Variants in TBC1D22A observed in about 807,000 individuals in gnomAD.
TBC1D22A encodes the protein putative GTPase activator.
In TBC1D22A, 38 loss-of-function variants were observed where a neutral mutation model predicts 60.2. The observed-to-expected ratio is 0.63, with a 90% confidence interval of 0.49 to 0.83. The LOEUF (loss-of-function observed/expected upper bound fraction) is 0.83. TBC1D22A is among the 40% of genes least tolerant of loss of function. The pLI is 0.00. For synonymous variants in TBC1D22A, 302 were observed against 281.7 expected, an observed-to-expected ratio of 1.07 and a Z score of -0.72; for missense variants, 628 against 701.0, an observed-to-expected ratio of 0.90 and a Z score of 1.18.
chr22:47,005,579 G>T (rs114589652), intron 10 of TBC1D22A, among the ~76,000 whole-genome samples: 1,516 of 147,666 alleles, frequency 0.01, 34 homozygotes, highest in African/African-American at 0.036. Context: ...AAACATACAC[G>T]CAAACCTATA....
At position 47,095,054 on chromosome 22, in the gene TBC1D22A, A is replaced by T. The variant is rs114192680; in HGVS notation, c.1330-16454A>T. 6.1e-3 allele frequency among the ~76,000 whole-genome samples: 932 copies of T among 152,338 alleles called. 10 individuals are homozygous for T. The highest frequency in any genetic ancestry group is 0.021 in the African/African-American group (859 of 41,570). ...GGATTTGGCTGTGCCATGAAATGTG[A>T]TGTACAGCTCTTACTACAGCCCATG... On this transcript the variant is annotated intron_variant, in intron 11 of 12. Transcript: ENST00000337137.
In TBC1D22A at chr22:46,818,432, A is replaced by G. The variant is rs552418102; in HGVS notation, c.637+20812A>G. Reference sequence around the variant, plus strand: ...TCTTGAGTTAATTTTTGTTTAAGGTATAAGGAAGGGGTCCAGTTGTAGTTT... The same window carrying G: ...TCTTGAGTTAATTTTTGTTTAAGGTGTAAGGAAGGGGTCCAGTTGTAGTTT... On this transcript the variant is annotated intron_variant, in intron 4 of 12. Transcript: ENST00000337137. Among the ~76,000 whole-genome samples, 3 of 152,298 alleles carry G rather than the reference A, an allele frequency of 2.0e-5. No homozygotes were observed. The South Asian group carries it at 6.2e-4, about 32-fold the overall frequency.
intron 12 of TBC1D22A, among the ~76,000 whole-genome samples, chr22:47,137,290 A>G (rs1474119165): frequency 6.6e-6 from 1 of 152,202 alleles, no homozygotes; most frequent in African/African-American, 2.4e-5. Flanking sequence ...CAAAGAAAAA[A>G]TATTTGCTCT....
At chr22:46,825,093 C>T (rs1335509712) in intron 4 of TBC1D22A, among the ~76,000 whole-genome samples, 1 of 152,060 alleles carries the variant, frequency 6.6e-6, no homozygotes, top group East Asian at 1.9e-4. Context: ...AAGGGTGGTG[C>T]CTGTGTTTTC....
At chr22:46,951,057 C>T (rs1234342036) in intron 8 of TBC1D22A, among the ~76,000 whole-genome samples, 4 of 152,186 alleles carry the variant, frequency 2.6e-5, no homozygotes, top group African/African-American at 9.7e-5. Context: ...CCAGCACTTC[C>T]GGAGCTTTCA....
chr22:47,132,680 T>C (rs2066719171), intron 12 of TBC1D22A, among the ~76,000 whole-genome samples: 1 of 152,178 alleles, frequency 6.6e-6, no homozygotes, highest in South Asian at 2.1e-4. Context: ...GACCTCTCAT[T>C]GTCTGCCACG....
rs78803886 is a variant in TBC1D22A at position 46,871,501 on chromosome 22, C to A, written c.638-7152C>A. Among the ~76,000 whole-genome samples, 244 of 152,262 alleles carry A rather than the reference C, an allele frequency of 1.6e-3. 3 individuals are homozygous for A. Among genetic ancestry groups the A allele is most frequent in the African/African-American group, 5.6e-3 (231 of 41,538 alleles). On this transcript the variant is annotated intron_variant, in intron 4 of 12. Transcript: ENST00000337137. ...TAAATATCAGAGGGTTGAAATACCA[C>A]CAAATTCATCTGACCAAATGCTTTA...
At chr22:46,869,072 G>A (rs113050744) in intron 4 of TBC1D22A, among the ~76,000 whole-genome samples, 8 of 152,186 alleles carry the variant, frequency 5.3e-5, no homozygotes, top group African/African-American at 1.9e-4. Context: ...CCACTGCTGT[G>A]TCTGCTGTCC....
chr22:46,870,946 A>G (rs1198845497), intron 4 of TBC1D22A, among the ~76,000 whole-genome samples: 4 of 152,190 alleles, frequency 2.6e-5, no homozygotes, highest in Non-Finnish European at 5.9e-5. Flanking sequence ...TTTGGAGGGG[A>G]CAAAAACATT....
intron 4 of TBC1D22A, among the ~76,000 whole-genome samples, chr22:46,867,799 A>C (rs1204513990): frequency 6.6e-6 from 1 of 152,234 alleles, no homozygotes; most frequent in Non-Finnish European, 1.5e-5. Flanking sequence ...GACAAAATCA[A>C]AGAGACACTT....
At chr22:47,158,901 G>T (rs1327569118) in intron 12 of TBC1D22A, among the ~76,000 whole-genome samples, 2 of 151,476 alleles carry the variant, frequency 1.3e-5, no homozygotes, top group Non-Finnish European at 2.9e-5. Flanking sequence ...ACACACCACA[G>T]TTACCACATA....
intron 11 of TBC1D22A, among the ~76,000 whole-genome samples, chr22:47,091,363 T>C (rs1377346173): frequency 1.6e-5 from 1 of 61,396 alleles, no homozygotes; most frequent in African/African-American, 7.8e-5. Context: ...GGGAGTGGCC[T>C]CGCAGAGGGG....
chr22:46,827,225 A>C (rs1453182268), intron 4 of TBC1D22A, among the ~76,000 whole-genome samples: 1 of 152,072 alleles, frequency 6.6e-6, no homozygotes, highest in Non-Finnish European at 1.5e-5. Flanking sequence ...CTTCTAACTT[A>C]CCTTGGAGAG....
chr22:47,120,381 G>A (rs1478650465), intron 12 of TBC1D22A, among the ~76,000 whole-genome samples: 9 of 152,204 alleles, frequency 5.9e-5, no homozygotes. Context: ...CAAATGTTCA[G>A]CGAAGGCTCC....
chr22:47,037,325 C>A, intron 11 of TBC1D22A, 127 bp downstream of exon 11: 1 of 1,351,554 alleles, frequency 7.4e-7, no homozygotes, highest in Non-Finnish European at 1.0e-6. Context: ...CATTGAAATG[C>A]GGTCTTTAAA....
At chr22:47,006,733 C>T (rs925736214) in intron 10 of TBC1D22A, among the ~76,000 whole-genome samples, 1 of 152,232 alleles carries the variant, frequency 6.6e-6, no homozygotes, top group Non-Finnish European at 1.5e-5. Context: ...CCATGTGACA[C>T]CACAGCCAGG....
At chr22:47,096,569 C>T (rs1674109851) in intron 11 of TBC1D22A, among the ~76,000 whole-genome samples, 1 of 152,188 alleles carries the variant, frequency 6.6e-6, no homozygotes, top group African/African-American at 2.4e-5. Context: ...TGCCTGTAAT[C>T]CCAGCACTTT....
intron 11 of TBC1D22A, among the ~76,000 whole-genome samples, chr22:47,046,900 C>G (rs1421910995): frequency 6.6e-6 from 1 of 152,196 alleles, no homozygotes; most frequent in Non-Finnish European, 1.5e-5. Context: ...AGCTTGTTCC[C>G]CAGGAGTGTA....
intron 10 of TBC1D22A, among the ~76,000 whole-genome samples, chr22:47,018,697 C>T (rs562983622): frequency 1.3e-5 from 2 of 152,238 alleles, no homozygotes; most frequent in East Asian, 3.9e-4. Context: ...GGCTTGGTAG[C>T]ACTCCCCCAC....
Sources: allele counts gnomAD v4.1 joint callset (sites outside exome capture counted in the v4.1 genomes callset), GRCh38; gene constraint gnomAD v4.1.1; transcripts MANE v1.5; gene names NCBI Gene and HGNC (gene_info 2026-07-23, HGNC 2026-07-21).